CDH13: variants seen among roughly 807,000 people sequenced by gnomAD.
CDH13 encodes the protein cadherin 13.
Under a neutral mutation model 63.8 loss-of-function variants are expected in CDH13, and 24 were observed. The observed-to-expected ratio is 0.38, with a 90% confidence interval of 0.27 to 0.53. The LOEUF (loss-of-function observed/expected upper bound fraction) is 0.53. Ranked by LOEUF, CDH13 falls within the 20% of genes least tolerant of loss-of-function variation. The pLI is 0.85. For synonymous variants in CDH13, 503 were observed against 355.3 expected (o/e 1.42, Z -4.67); for missense variants, 1,049 against 903.1 (o/e 1.16, Z -2.07).
intron 8 of CDH13, among the ~76,000 whole-genome samples, chr16:83,624,964 G>A (rs542877578): frequency 1.8e-4 from 28 of 152,308 alleles, no homozygotes; most frequent in African/African-American, 5.3e-4. Flanking sequence ...GCTGATTGCC[G>A]CATGTCTTGC....
chr16:82,824,323 A>G (rs977999389), intron 1 of CDH13: 3 of 152,250 alleles, frequency 2.0e-5, no homozygotes, highest in South Asian at 4.1e-4. Flanking sequence ...AAAAAAACAT[A>G]AACAACTATC....
chr16:83,219,773 C>T (rs1021163407), intron 5 of CDH13, among the ~76,000 whole-genome samples: 8 of 152,098 alleles, frequency 5.3e-5, no homozygotes, highest in African/African-American at 1.7e-4. Context: ...TAATTGAGTG[C>T]TTATAGGGTA....
chr16:82,996,858 G>A (rs1373546531), intron 2 of CDH13, among the ~76,000 whole-genome samples: 4 of 151,276 alleles, frequency 2.6e-5, no homozygotes, highest in Admixed American at 2.6e-4. Flanking sequence ...AATGATTACG[G>A]TGGTGGTGAT....
At chr16:82,875,760 C>G (rs551669178) in intron 2 of CDH13, among the ~76,000 whole-genome samples, 13 of 152,270 alleles carry the variant, frequency 8.5e-5, no homozygotes, top group African/African-American at 2.6e-4. Context: ...GAGAAACTAG[C>G]TATTTGCATG....
At chr16:83,611,757 T>A (rs1398583332) in intron 8 of CDH13, among the ~76,000 whole-genome samples, 2 of 152,108 alleles carry the variant, frequency 1.3e-5, no homozygotes, top group African/African-American at 2.4e-5. Context: ...TTTTGAATTT[T>A]CTTGGGTCCC....
At chr16:83,359,841 C>T (rs77436711) in intron 6 of CDH13, among the ~76,000 whole-genome samples, 12,831 of 152,108 alleles carry the variant, frequency 0.084, 738 homozygotes, top group Non-Finnish European at 0.13. Context: ...ATTTGTCATT[C>T]GGTGGTTTTT....
intron 6 of CDH13, among the ~76,000 whole-genome samples, chr16:83,425,119 C>T (rs1364876716): frequency 2.0e-5 from 3 of 152,192 alleles, no homozygotes; most frequent in Admixed American, 6.5e-5. Context: ...GTTTGTCCAT[C>T]GAGTTCTAAG....
intron 2 of CDH13, among the ~76,000 whole-genome samples, chr16:83,012,775 T>C (rs1199349412): frequency 6.6e-6 from 1 of 152,212 alleles, no homozygotes; most frequent in Non-Finnish European, 1.5e-5. Flanking sequence ...ATTTTCTCTG[T>C]AAGTGCTTGT....
chr16:83,286,232 C>T (rs1206957826), intron 5 of CDH13, among the ~76,000 whole-genome samples: 1 of 152,166 alleles, frequency 6.6e-6, no homozygotes, highest in African/African-American at 2.4e-5. Context: ...CCACATCAGC[C>T]CCAGGCAGAC....
Position 83,047,251 on chromosome 16 carries a change from T to A in CDH13, c.366+15033T>A, listed in dbSNP as rs1199340755. On this transcript the variant is annotated intron_variant, in intron 3 of 13. Coordinates refer to ENST00000567109, the MANE Select transcript of CDH13 (RefSeq NM_001257.5). This position sits in a 1 kb window ranked among gnomAD's most constrained non-coding sequence, Gnocchi z 4.9. ...GAGGCCTGTGTATTTATTTATTTAT[T>A]TATTTTTTTGGTAAAGGCCTCTGCT... Among the ~76,000 whole-genome samples, 3 of 152,144 alleles carry A rather than the reference T, an allele frequency of 2.0e-5. No individual in the cohort carries two copies. Among genetic ancestry groups the A allele is most frequent in the Non-Finnish European group, 4.4e-5 (3 of 68,026 alleles).
At chr16:83,648,312 C>T (rs1214813443) in intron 8 of CDH13, among the ~76,000 whole-genome samples, 1 of 152,186 alleles carries the variant, frequency 6.6e-6, no homozygotes, top group Non-Finnish European at 1.5e-5. Context: ...GAGAACTTTC[C>T]ATATGGACTG....
chr16:82,700,563 G>A (rs181795058), intron 1 of CDH13, among the ~76,000 whole-genome samples: 1 of 151,994 alleles, frequency 6.6e-6, no homozygotes, highest in Admixed American at 6.6e-5. Context: ...GTCTTTCTAT[G>A]TGTAAATGTC....
rs1053852843 is a variant in CDH13, at chr16:83,154,765, C to A, written c.483+29264C>A. Among the ~76,000 whole-genome samples the A allele has an allele frequency of 3.9e-5, 6 of 152,038 alleles. No homozygotes were observed. The East Asian group carries it at 1.2e-3, about 29-fold the overall frequency. ...CTAACATTATACTGTGTACCATTGG[C>A]CTTTAAAAGATAAAGATTTTTGGCC... On this transcript the variant is annotated intron_variant, in intron 4 of 13. Coordinates refer to ENST00000567109, the MANE Select transcript of CDH13 (RefSeq NM_001257.5).
At chr16:83,742,010 A>G (rs1217621071) in intron 10 of CDH13, among the ~76,000 whole-genome samples, 2 of 152,232 alleles carry the variant, frequency 1.3e-5, no homozygotes, top group African/African-American at 4.8e-5. Flanking sequence ...CCATGGTGCC[A>G]AAGAGGTTGG....
At chr16:83,027,508 G>C (rs1057083943) in intron 2 of CDH13, among the ~76,000 whole-genome samples, 3 of 152,146 alleles carry the variant, frequency 2.0e-5, no homozygotes, top group Non-Finnish European at 4.4e-5. Flanking sequence ...ATGCAAGAGT[G>C]GGTGAGGTGT....
chr16:82,936,089 T>C (rs1233709893), intron 2 of CDH13, among the ~76,000 whole-genome samples: 1 of 152,118 alleles, frequency 6.6e-6, no homozygotes, highest in Non-Finnish European at 1.5e-5. Flanking sequence ...GGCACCATCT[T>C]GTCTGCTTCT....
At chr16:83,027,963 C>A (rs1300646651) in intron 2 of CDH13, among the ~76,000 whole-genome samples, 2 of 152,174 alleles carry the variant, frequency 1.3e-5, no homozygotes, top group Non-Finnish European at 2.9e-5. Context: ...ACCTCAGCAT[C>A]TAGCATAATG....
chr16:82,916,217 T>A (rs2041983706), intron 2 of CDH13, among the ~76,000 whole-genome samples: 1 of 152,110 alleles, frequency 6.6e-6, no homozygotes, highest in South Asian at 2.1e-4. Context: ...CGGAAATAGG[T>A]TAACCCACAG....
At chr16:82,713,008 CTTAG>C (rs2151009428) in intron 1 of CDH13, among the ~76,000 whole-genome samples, 1 of 151,982 alleles carries the variant, frequency 6.6e-6, no homozygotes, top group East Asian at 1.9e-4. Context: ...TCCCTGGGTG[CTTAG>C]TTAATGCTTA....
Sources: allele counts gnomAD v4.1 joint callset (sites outside exome capture counted in the v4.1 genomes callset), GRCh38; gene constraint gnomAD v4.1.1; non-coding constraint Gnocchi (gnomAD v3.1); transcripts MANE v1.5; gene names NCBI Gene and HGNC (gene_info 2026-07-23, HGNC 2026-07-21).